The following DPYD variants were observed in gnomAD, a reference collection of about 807,000 sequenced individuals.
DPYD encodes the protein dihydropyrimidine dehydrogenase [NADP(+)].
DPYD carries 109 observed loss-of-function variants against 116.2 expected under a neutral mutation model. The observed-to-expected ratio is 0.94, with a 90% CI of 0.80 to 1.10. DPYD has a LOEUF of 1.10. Ranked by LOEUF, DPYD falls within the 50% of genes least tolerant of loss-of-function variation. The pLI is 0.00. For missense variants in DPYD, 1,302 were observed against 1,254.5 expected (o/e 1.04, Z -0.57); for synonymous variants, 440 against 432.0 (o/e 1.02, Z -0.23).
At chr1:97,724,389 G>A (rs539316417) in intron 4 of DPYD, among the ~76,000 whole-genome samples, 1 of 148,438 alleles carries the variant, frequency 6.7e-6, no homozygotes, top group South Asian at 2.1e-4. Context: ...TAGGAAACTG[G>A]TACACAATTA....
At chr1:97,392,357 CCTT>C (rs1353380132) in intron 14 of DPYD, among the ~76,000 whole-genome samples, 1 of 151,378 alleles carries the variant, frequency 6.6e-6, no homozygotes, top group Non-Finnish European at 1.5e-5. Context: ...TCTTTTTTTT[CCTT>C]CTTTTTTTTT....
At chr1:97,918,393 A>G (rs887497498) in intron 1 of DPYD, among the ~76,000 whole-genome samples, 1 of 151,862 alleles carries the variant, frequency 6.6e-6, no homozygotes, top group African/African-American at 2.4e-5. Flanking sequence ...AATATATCTG[A>G]AAAAAAACAT....
chr1:97,618,221 C>T (rs1380083800), intron 8 of DPYD, among the ~76,000 whole-genome samples: 1 of 152,088 alleles, frequency 6.6e-6, no homozygotes, highest in Non-Finnish European at 1.5e-5. Flanking sequence ...AGGGACTAGT[C>T]TTCTTTCATT....
intron 18 of DPYD, among the ~76,000 whole-genome samples, chr1:97,267,595 T>C (rs1664318854): frequency 6.6e-6 from 1 of 151,948 alleles, no homozygotes; most frequent in Non-Finnish European, 1.5e-5. Context: ...TCAAGCGCTT[T>C]TATAATGGGC....
chr1:97,093,439 C>T lies in DPYD; in HGVS notation c.2766+5050G>A, dbSNP rs367816249. On this transcript the variant is annotated intron_variant, in intron 21 of 22. Coordinates refer to ENST00000370192, the MANE Select transcript of DPYD (RefSeq NM_000110.4). ...AAATGGAAATGAATAGTCATCTTAA[C>T]GTGGATTTCTTTCAAACTGTTCATT... Among the ~76,000 whole-genome samples the T allele has an allele frequency of 5.3e-4, 80 of 152,242 alleles. No homozygotes were observed. In the South Asian group the frequency reaches 0.015, roughly 29 times the overall value.
At chr1:97,438,195 T>C (rs1675573028) in intron 14 of DPYD, among the ~76,000 whole-genome samples, 1 of 152,006 alleles carries the variant, frequency 6.6e-6, no homozygotes, top group South Asian at 2.1e-4. Flanking sequence ...ATCAATTGTT[T>C]TGTAAGTCCT....
In DPYD at chr1:97,415,169, T is replaced by C. The variant is rs762403702; in HGVS notation, c.1906-32708A>G. 5.1e-4 allele frequency among the ~76,000 whole-genome samples: 77 copies of C among 152,162 alleles called. 1 individual carries two copies. The highest frequency in any genetic ancestry group is 6.8e-4 in the Non-Finnish European group (46 of 68,006). On this transcript the variant is annotated intron_variant, in intron 14 of 22. Transcript: ENST00000370192. ...ACCAGAATAAAGGCAAACAAAACTC[T>C]AGGACATTGGTAGAATGAAAAGCTG...
chr1:97,380,019 T>A (rs973993822), intron 15 of DPYD, among the ~76,000 whole-genome samples: 1 of 152,224 alleles, frequency 6.6e-6, no homozygotes, highest in African/African-American at 2.4e-5. Context: ...CTCCTCAGTC[T>A]TTCTGCTCTG....
chr1:97,124,928 C>G (rs966946254), intron 20 of DPYD, among the ~76,000 whole-genome samples: 1 of 152,094 alleles, frequency 6.6e-6, no homozygotes, highest in Non-Finnish European at 1.5e-5. Context: ...AGAGTACGTA[C>G]TTTTCCTAGT....
intron 19 of DPYD, among the ~76,000 whole-genome samples, chr1:97,211,385 C>T (rs10783056): frequency 0.25 from 37,454 of 152,106 alleles, 4,999 homozygotes; most frequent in Admixed American, 0.31. Context: ...ATGTAAAGTA[C>T]TTACCACTAT....
intron 20 of DPYD, among the ~76,000 whole-genome samples, chr1:97,191,572 A>T (rs1171365462): frequency 6.6e-6 from 1 of 152,184 alleles, no homozygotes; most frequent in Non-Finnish European, 1.5e-5. Context: ...TATGTCATTG[A>T]CACAAGTTGT....
intron 20 of DPYD, among the ~76,000 whole-genome samples, chr1:97,120,316 T>C (rs1431192162): frequency 3.3e-5 from 5 of 152,314 alleles, no homozygotes; most frequent in African/African-American, 1.2e-4. Flanking sequence ...GAATTGAACA[T>C]GCAGAGAATC....
At chr1:97,850,850 A>C (rs1415465497) in intron 2 of DPYD, among the ~76,000 whole-genome samples, 1 of 152,118 alleles carries the variant, frequency 6.6e-6, no homozygotes, top group Non-Finnish European at 1.5e-5. Context: ...ATGATATATT[A>C]AAAATCAAAT....
chr1:97,484,999 C>A (rs137937488), intron 13 of DPYD, among the ~76,000 whole-genome samples: 1 of 152,118 alleles, frequency 6.6e-6, no homozygotes, highest in Non-Finnish European at 1.5e-5. Flanking sequence ...CTTTTAAGGG[C>A]TTTTCTTTGT....
chr1:97,649,104 C>T (rs922664909), intron 8 of DPYD, among the ~76,000 whole-genome samples: 1 of 152,004 alleles, frequency 6.6e-6, no homozygotes, highest in Non-Finnish European at 1.5e-5. Flanking sequence ...AAGCAAGGAG[C>T]TCTAAAAAAC....
chr1:97,463,390 C>T (rs554933913), intron 13 of DPYD, among the ~76,000 whole-genome samples: 34 of 152,240 alleles, frequency 2.2e-4, no homozygotes, highest in African/African-American at 7.5e-4. Flanking sequence ...ATTGTGAGGC[C>T]TCTCTAGCCA....
intron 1 of DPYD, among the ~76,000 whole-genome samples, chr1:97,920,108 T>A (rs1241271075): frequency 1.3e-5 from 2 of 152,220 alleles, no homozygotes; most frequent in African/African-American, 4.8e-5. Context: ...AGTGCTGACC[T>A]AGGTTTAGTA....
intron 6 of DPYD, among the ~76,000 whole-genome samples, chr1:97,697,706 T>C (rs548899154): frequency 4.7e-4 from 71 of 151,978 alleles, no homozygotes; most frequent in Admixed American, 8.5e-4. Context: ...GCAAATAAAT[T>C]TAAAAAAAAC....
chr1:97,348,238 A>G (rs771839577), intron 16 of DPYD, among the ~76,000 whole-genome samples: 5 of 152,128 alleles, frequency 3.3e-5, no homozygotes, highest in South Asian at 2.1e-4. Context: ...TGCTATATCT[A>G]CAGTTCTTTC....
Sources: gnomAD v4.1 joint callset for allele counts (sites outside exome capture counted in the v4.1 genomes callset) on GRCh38, gnomAD v4.1.1 for gene constraint, MANE v1.5 for transcripts, NCBI Gene and HGNC (gene_info 2026-07-23, HGNC 2026-07-21) for gene names.